TENT5A: variants seen among roughly 807,000 people sequenced by gnomAD.
The protein encoded by TENT5A is terminal nucleotidyltransferase 5A.
In TENT5A, 9 loss-of-function variants were observed where a neutral mutation model predicts 30.2. That is an observed-to-expected ratio of 0.30 (90% CI 0.18 to 0.52). The LOEUF (loss-of-function observed/expected upper bound fraction) is 0.52, where lower values mean the gene tolerates loss of function less well. TENT5A is among the 20% of genes least tolerant of loss of function. The pLI is 0.97. For synonymous variants in TENT5A, 264 were observed against 234.2 expected (o/e 1.13, Z -1.16); for missense variants, 411 against 566.1 (o/e 0.73, Z 2.78).
Position 81,746,551 on chromosome 6 carries a change from A to T in TENT5A, c.*3144T>A. 1.1e-5 allele frequency: 13 copies of T among 1,232,102 alleles called. No homozygotes were observed. The highest frequency in any genetic ancestry group is 1.2e-5 in the Non-Finnish European group (12 of 987,940). The allele number at this position is 1,232,102 out of a possible 1,614,324, so 76.3% of individuals were successfully genotyped here. Reference sequence around the variant, plus strand: ...AAGGAAATGTCCATCTTGGTGTAGGAGTTCTTGAGGCAGCTGGATTTACTG... The same window carrying T: ...AAGGAAATGTCCATCTTGGTGTAGGTGTTCTTGAGGCAGCTGGATTTACTG... On this transcript the variant is annotated 3_prime_UTR_variant, in exon 3 of 3. Coordinates refer to ENST00000320172, the MANE Select transcript of TENT5A (RefSeq NM_017633.3).
Position 81,749,643 on chromosome 6 carries a change from C to CTCTCCTG in TENT5A, c.*45_*51dup. 1 of 1,026,270 alleles carries CTCTCCTG rather than the reference C, an allele frequency of 9.7e-7. No homozygotes were observed. Among genetic ancestry groups the CTCTCCTG allele is most frequent in the Non-Finnish European group, 1.2e-6 (1 of 800,540 alleles). The allele number at this position is 1,026,270 out of a possible 1,614,324, so 63.6% of individuals were successfully genotyped here. A position where few individuals can be genotyped will look rare whatever the true frequency, so the allele number is the denominator to read the frequency against. ...TTTTTTTTTTCTTTTTTTTTTTTTT[C>CTCTCCTG]TCTCCTGTCTTGTCTGAAATGGCTT... On this transcript the variant is annotated 3_prime_UTR_variant, in exon 3 of 3. Coordinates refer to ENST00000320172, the MANE Select transcript of TENT5A (RefSeq NM_017633.3).
rs1424895308 is a variant in TENT5A at position 81,746,403 on chromosome 6, C to T, written c.*3292G>A. ...ACAGAAAGGGGTGGTAAAAACAGTA[C>T]GTTCACTTTTCATTTCCTTCCTTGG... On this transcript the variant is annotated 3_prime_UTR_variant, in exon 3 of 3. Coordinates refer to ENST00000320172, the MANE Select transcript of TENT5A (RefSeq NM_017633.3). 2.1e-5 allele frequency: 26 copies of T among 1,229,996 alleles called. No homozygotes were observed. Among genetic ancestry groups the T allele is most frequent in the Admixed American group, 4.2e-5 (1 of 23,630 alleles). The allele number at this position is 1,229,996 out of a possible 1,614,324, so 76.2% of individuals were successfully genotyped here. A position where few individuals can be genotyped will look rare whatever the true frequency, so the allele number is the denominator to read the frequency against.
rs767066099 is a variant in TENT5A, at chr6:81,752,551, C to T, written c.-158G>A. 1.6e-5 allele frequency: 17 copies of T among 1,048,140 alleles called. No individual in the cohort carries two copies. The highest frequency in any genetic ancestry group is 1.6e-4 in the East Asian group (6 of 38,640). 64.9% of individuals were successfully genotyped at this position (1,048,140 alleles called of 1,614,324 possible). A position where few individuals can be genotyped will look rare whatever the true frequency, so the allele number is the denominator to read the frequency against. On this transcript the variant is annotated 5_prime_UTR_variant, in exon 1 of 3. Coordinates refer to ENST00000320172, the MANE Select transcript of TENT5A (RefSeq NM_017633.3). ...ATAGCGACTTCGTCTTTCCCAGACC[C>T]CTGCCGCCTGCGCTCACCACTCCCT...
chr6:81,752,066 C>CGCCGCCGCCGAAGTT lies in TENT5A; in HGVS notation c.75_76insAACTTCGGCGGCGGC (p.Gly25_Asp26insAsnPheGlyGlyGly). ...CCGCCGAAGTCGCCGCCGCCGAAGT[C>CGCCGCCGCCGAAGTT]GCCGCCTAGGGGGATGTAGGGGCTG... On this transcript the variant is annotated inframe_insertion, in exon 2 of 3. Transcript: ENST00000320172. 1 of 1,554,478 alleles carries CGCCGCCGCCGAAGTT rather than the reference C, an allele frequency of 6.4e-7. No individual in the cohort carries two copies.
rs577390269 is a variant in TENT5A, at chr6:81,749,509, G to C, written c.*186C>G. On this transcript the variant is annotated 3_prime_UTR_variant, in exon 3 of 3. Coordinates refer to ENST00000320172, the MANE Select transcript of TENT5A (RefSeq NM_017633.3). The stretch of plus-strand genomic sequence containing the variant: ...TAAGAGAAGGGAAAAGGATCCTTTC[G>C]AGATCATGCTCCCACATCTATTAAA... The C allele has an allele frequency of 7.8e-5, 105 of 1,345,516 alleles. No individual in the cohort carries two copies. The highest frequency in any genetic ancestry group is 9.8e-5 in the Non-Finnish European group (103 of 1,052,946). The allele number at this position is 1,345,516 out of a possible 1,614,324, so 83.3% of individuals were successfully genotyped here. A position where few individuals can be genotyped will look rare whatever the true frequency, so the allele number is the denominator to read the frequency against.
rs1209468906 is a variant in TENT5A at position 81,752,082 on chromosome 6, G to A, written c.60C>T (p.Tyr20=). ...MSEDELACSP[Y]IPLGGDFGGG... is the part of the protein sequence containing the mutation. ...CGCCGAAGTCGCCGCCTAGGGGGAT[G>A]TAGGGGCTGCAGGCCAGCTCGTCCT... The change falls in exon 2 of 3, where the codon TAC becomes TAT. Residue 20 remains tyrosine (Y), a synonymous_variant. Coordinates refer to ENST00000320172, the MANE Select transcript of TENT5A (RefSeq NM_017633.3). 1.1e-5 allele frequency: 17 copies of A among 1,585,584 alleles called. No homozygotes were observed. The East Asian group carries it at 3.9e-4, about 37-fold the overall frequency.
Position 81,752,211 on chromosome 6 carries a change from C to T in TENT5A, c.-37-33G>A, listed in dbSNP as rs572520815. 5.3e-4 allele frequency: 667 copies of T among 1,256,356 alleles called. 3 individuals are homozygous for T. In the African/African-American group the frequency reaches 0.012, roughly 23 times the overall value. 77.8% of individuals were successfully genotyped at this position (1,256,356 alleles called of 1,614,324 possible). ...GAAAGGGAAAGGAGCGCGGTGAGGA[C>T]GCGCGGCGGCGGAGAGCACGCGCGG... On this transcript the variant is annotated intron_variant, in intron 1 of 2. Coordinates refer to ENST00000320172, the MANE Select transcript of TENT5A (RefSeq NM_017633.3).
Position 81,751,915 on chromosome 6 carries a change from C to T in TENT5A, c.227G>A (p.Gly76Asp), listed in dbSNP as rs765770707. ...LNWEQVQRLDGILSETIPIHG... is the reference protein window; with the variant it reads ...LNWEQVQRLDDILSETIPIHG... ...AATCGGAATGGTCTCGCTCAGGATG[C>T]CGTCCAGCCGCTGCACTTGCTCCCA... The change falls in exon 2 of 3, where the codon GGC (glycine) becomes GAC (aspartate). Residue 76 changes from glycine (G) to aspartate (D), a missense_variant. Physicochemically the swap from Gly to Asp is moderately conservative, Grantham distance 94. Around this residue, in one of 5 missense-constraint regions of TENT5A, gnomAD observed 157 missense variants for 183.2 expected, o/e 0.86. Transcript: ENST00000320172. 446 of 1,613,064 alleles carry T rather than the reference C, an allele frequency of 2.8e-4. 7 individuals carry two copies. The East Asian group carries it at 9.9e-3, about 36-fold the overall frequency.
In TENT5A at chr6:81,752,606, C is replaced by A; in HGVS notation, c.-213G>T. On this transcript the variant is annotated 5_prime_UTR_variant, in exon 1 of 3. Transcript: ENST00000320172. Reference sequence around the variant, plus strand: ...GCGACCCCTCCTGCGCCGCTGCCACCCCAGCTGCGGTGGTCCCGAACTGGC... The same window carrying A: ...GCGACCCCTCCTGCGCCGCTGCCACACCAGCTGCGGTGGTCCCGAACTGGC... 1.3e-6 allele frequency: 1 copy of A among 747,618 alleles called. No homozygotes were observed. Among genetic ancestry groups the A allele is most frequent in the Non-Finnish European group, 2.4e-6 (1 of 412,898 alleles). 46.3% of individuals were successfully genotyped at this position (747,618 alleles called of 1,614,324 possible). A position where few individuals can be genotyped will look rare whatever the true frequency, so the allele number is the denominator to read the frequency against.
chr6:81,752,068 C>T lies in TENT5A; in HGVS notation c.74G>A (p.Gly25Asp), dbSNP rs200972669. The T allele has an allele frequency of 2.7e-3, 4,205 of 1,571,206 alleles. 35 individuals carry two copies. Among genetic ancestry groups the T allele is most frequent in the African/African-American group, 0.021 (1,522 of 73,522 alleles). ...GCCGAAGTCGCCGCCGCCGAAGTCG[C>T]CGCCTAGGGGGATGTAGGGGCTGCA... ...LACSPYIPLG[G>D]DFGGGDFGGG... Residue 25 changes from glycine to aspartate, a missense_variant, in exon 2 of 3, where the codon GGC becomes GAC. Around this residue, in one of 5 missense-constraint regions of TENT5A, gnomAD observed 10 missense variants for 32.6 expected, o/e 0.31. Coordinates refer to ENST00000320172, the MANE Select transcript of TENT5A (RefSeq NM_017633.3).
In TENT5A at chr6:81,749,435, T is replaced by C. The variant is rs1768980175; in HGVS notation, c.*260A>G. The stretch of plus-strand genomic sequence containing the variant: ...ATCAGGAGAACCTGGTTGCTTCTAA[T>C]GACAGGTCTCTCTTTTTTTGCAGGA... On this transcript the variant is annotated 3_prime_UTR_variant, in exon 3 of 3. Transcript: ENST00000320172. 1.6e-6 allele frequency: 2 copies of C among 1,220,208 alleles called. No individual in the cohort carries two copies. The highest frequency in any genetic ancestry group is 2.0e-6 in the Non-Finnish European group (2 of 978,930). The allele number at this position is 1,220,208 out of a possible 1,614,324, so 75.6% of individuals were successfully genotyped here.
chr6:81,751,756 A>C lies in TENT5A; in HGVS notation c.386T>G (p.Leu129Arg). The C allele has an allele frequency of 6.2e-7, 1 of 1,613,402 alleles. No homozygotes were observed. The highest frequency in any genetic ancestry group is 8.5e-7 in the Non-Finnish European group (1 of 1,179,998). ...RLNGSAASHVLHQDSGLGYKD... is the reference protein window; with the variant it reads ...RLNGSAASHVRHQDSGLGYKD... ...GTAGCCCAGGCCGCTGTCCTGGTGC[A>C]GGACATGGCTGGCTGCCGAGCCGTT... The change falls in exon 2 of 3, where the codon CTG becomes CGG. Residue 129 changes from leucine (L) to arginine (R), a missense_variant. Transcript: ENST00000320172.
At position 81,750,553 on chromosome 6, in the gene TENT5A, G is replaced by T; in HGVS notation, c.553-82C>A. 2 of 873,476 alleles carry T rather than the reference G, an allele frequency of 2.3e-6. No homozygotes were observed. The highest frequency in any genetic ancestry group is 3.3e-6 in the Non-Finnish European group (2 of 598,450). The allele number at this position is 873,476 out of a possible 1,614,324, so 54.1% of individuals were successfully genotyped here. A position where few individuals can be genotyped will look rare whatever the true frequency, so the allele number is the denominator to read the frequency against. On this transcript the variant is annotated intron_variant, in intron 2 of 2. Transcript: ENST00000320172. This position sits in a 1 kb window ranked among gnomAD's most constrained non-coding sequence, Gnocchi z 4.2. ...ATAAATACATCCTCTTCACAGCTGA[G>T]AATTATTTTGCTCTTTCCCTTTTGT...
Sources: gnomAD v4.1 joint callset for allele counts on GRCh38, gnomAD v4.1.1 for gene constraint, gnomAD v4.1.1 regional missense constraint, Gnocchi (gnomAD v3.1) non-coding constraint, MANE v1.5 for transcripts, NCBI Gene and HGNC (gene_info 2026-07-23, HGNC 2026-07-21) for gene names.